Variants in CALD1 observed in about 807,000 individuals in gnomAD.
The protein encoded by CALD1 is caldesmon 1.
A neutral mutation model predicts 99.9 loss-of-function variants in CALD1; 33 were observed. That is an observed-to-expected ratio of 0.33 (90% CI 0.25 to 0.44). The LOEUF (loss-of-function observed/expected upper bound fraction) is 0.44. Among genes scored for constraint, CALD1 ranks in the 20% least tolerant of loss-of-function variants. The pLI is 1.00. For synonymous variants in CALD1, 310 were observed against 325.0 expected, an observed-to-expected ratio of 0.95 and a Z score of 0.50; for missense variants, 861 against 962.1, an observed-to-expected ratio of 0.89 and a Z score of 1.39.
chr7:134,762,999 A>G (rs1248435492), intron 1 of CALD1, among the ~76,000 whole-genome samples: 5 of 152,216 alleles, frequency 3.3e-5, no homozygotes, highest in Admixed American at 2.6e-4. Context: ...TACTTGCTCA[A>G]TTAGATCTAG....
chr7:134,759,302 G>A (rs1201038416), intron 1 of CALD1, among the ~76,000 whole-genome samples: 1 of 152,214 alleles, frequency 6.6e-6, no homozygotes, highest in Admixed American at 6.5e-5. Flanking sequence ...GTGCAAGGTA[G>A]AGACTGAAAA....
chr7:134,950,254 A>C, intron 8 of CALD1, 120 bp from the exon 9 acceptor site: 1 of 840,778 alleles, frequency 1.2e-6, no homozygotes, highest in South Asian at 2.0e-5. Flanking sequence ...CTAGAAGGGG[A>C]GTGTCCAGCC....
intron 6 of CALD1, 69 bp downstream of exon 6, chr7:134,935,834 G>C (rs923221131): frequency 1.4e-6 from 2 of 1,463,770 alleles, no homozygotes; most frequent in African/African-American, 1.4e-5. Context: ...AGATATCTCA[G>C]GTCTGATGAT....
rs772919992 is a variant in CALD1 at position 134,933,098 on chromosome 7, G to A, written c.329G>A (p.Arg110His). 4 of 1,613,850 alleles carry A rather than the reference G, an allele frequency of 2.5e-6. No homozygotes were observed. The South Asian group carries it at 4.4e-5, about 18-fold the overall frequency. Residue 110 changes from arginine (R) to histidine (H), a missense_variant, in exon 5 of 15, where the codon CGC becomes CAC. Around this residue, in one of 5 missense-constraint regions of CALD1, gnomAD observed 123 missense variants for 169.8 expected, o/e 0.72. Coordinates refer to ENST00000361675, the MANE Select transcript of CALD1 (RefSeq NM_033138.4). ...LARREERRQK[R>H]LQEALERQKE... The stretch of plus-strand genomic sequence containing the variant: ...CGGCGTGAGGAAAGACGCCAAAAAC[G>A]CCTTCAGGAGGCTCTGGAGCGGCAG...
intron 1 of CALD1, among the ~76,000 whole-genome samples, chr7:134,752,604 C>A (rs1205675499): frequency 6.6e-6 from 1 of 152,130 alleles, no homozygotes; most frequent in East Asian, 1.9e-4. Context: ...GAATGCATAA[C>A]CACAGCCGAG....
intron 1 of CALD1, among the ~76,000 whole-genome samples, chr7:134,791,206 T>G (rs1797519538): frequency 6.6e-6 from 1 of 152,232 alleles, no homozygotes; most frequent in African/African-American, 2.4e-5. Flanking sequence ...ATTTGTTTGT[T>G]TGTTTTTTGA....
At chr7:134,866,981 C>T (rs906250651) in intron 2 of CALD1, 11 of 152,058 alleles carry the variant, frequency 7.2e-5, no homozygotes, top group African/African-American at 2.4e-4. Flanking sequence ...GAAACGGGCT[C>T]CTCATTTAAA....
At chr7:134,793,912 TCTC>T (rs1797642092) in intron 1 of CALD1, among the ~76,000 whole-genome samples, 1 of 152,076 alleles carries the variant, frequency 6.6e-6, no homozygotes, top group Non-Finnish European at 1.5e-5. Context: ...TCTTCTTTTA[TCTC>T]CTCCTCATTC....
the CALD1 span, among the ~76,000 whole-genome samples, chr7:134,717,225 T>C: frequency 1.1e-4 from 17 of 152,266 alleles, no homozygotes; most frequent in Middle Eastern, 3.4e-3. Flanking sequence ...CTAAAATCCA[T>C]GGTTTAGGGT....
In CALD1 at chr7:134,933,987, G is replaced by C. The variant is rs1271338108; in HGVS notation, c.1218G>C (p.Gly406=). 6.2e-7 allele frequency: 1 copy of C among 1,613,890 alleles called. No individual in the cohort carries two copies. The highest frequency in any genetic ancestry group is 8.5e-7 in the Non-Finnish European group (1 of 1,179,980). ...CCATGCAAGAGACAAAGATAAAAGG[G>C]GAAAAGGTAGAACAGAAAATAGAAG... is the stretch of plus-strand genomic sequence containing the variant. The part of the protein sequence containing the change: ...KHAMQETKIK[G]EKVEQKIEGK... The change falls in exon 5 of 15, where the codon GGG becomes GGC. Residue 406 remains glycine, a synonymous_variant. Coordinates refer to ENST00000361675, the MANE Select transcript of CALD1 (RefSeq NM_033138.4).
chr7:134,951,038 AT>A (rs746753898), intron 9 of CALD1, among the ~76,000 whole-genome samples: 1 of 152,208 alleles, frequency 6.6e-6, no homozygotes, highest in Non-Finnish European at 1.5e-5. Flanking sequence ...GTGAGGGCCT[AT>A]TCCTCATAGG....
At chr7:134,817,831 T>G (rs1001543760) in intron 1 of CALD1, among the ~76,000 whole-genome samples, 1 of 152,182 alleles carries the variant, frequency 6.6e-6, no homozygotes, top group Non-Finnish European at 1.5e-5. Context: ...TCATTTACAA[T>G]AAAATTTCAA....
At chr7:134,815,550 A>T (rs1312466169) in intron 1 of CALD1, among the ~76,000 whole-genome samples, 1 of 152,156 alleles carries the variant, frequency 6.6e-6, no homozygotes, top group Admixed American at 6.5e-5. Context: ...CACTGTAATG[A>T]TATCATTCAC....
intron 1 of CALD1, among the ~76,000 whole-genome samples, chr7:134,750,111 AAAACAAAC>A (rs59185876): frequency 0.55 from 83,251 of 150,694 alleles, 24,492 homozygotes; most frequent in East Asian, 0.84. Flanking sequence ...GGCAAGTGTT[AAAACAAAC>A]AAACAAACAA....
intron 7 of CALD1, chr7:134,944,428 T>G (rs1441836282): frequency 6.6e-6 from 1 of 151,476 alleles, no homozygotes; most frequent in African/African-American, 2.4e-5. Context: ...TTGATTACAA[T>G]CTACTAAATT....
intron 3 of CALD1, among the ~76,000 whole-genome samples, chr7:134,869,537 C>G (rs1312983715): frequency 6.6e-6 from 1 of 152,116 alleles, no homozygotes; most frequent in African/African-American, 2.4e-5. Flanking sequence ...AATTAGCAAA[C>G]CTTTTAGGAG....
the CALD1 span, among the ~76,000 whole-genome samples, chr7:134,738,047 C>CT: frequency 1.3e-5 from 2 of 152,262 alleles, no homozygotes; most frequent in South Asian, 2.1e-4. Flanking sequence ...TGAGAAATTT[C>CT]TTTTTTTCTG....
chr7:134,802,965 C>G (rs1798002400), intron 1 of CALD1, among the ~76,000 whole-genome samples: 1 of 152,180 alleles, frequency 6.6e-6, no homozygotes, highest in South Asian at 2.1e-4. Flanking sequence ...AAGAAATTGC[C>G]AAACTGTTCA....
upstream of CALD1, among the ~76,000 whole-genome samples, chr7:134,741,725 GTTT>G (rs1796594176): frequency 6.6e-6 from 1 of 151,984 alleles, no homozygotes; most frequent in South Asian, 2.1e-4. Context: ...TTTACAGTTC[GTTT>G]TTTATTTTCA....
Sources: allele counts gnomAD v4.1 joint callset (sites outside exome capture counted in the v4.1 genomes callset), GRCh38; gene constraint gnomAD v4.1.1; regional missense constraint gnomAD v4.1.1; transcripts MANE v1.5; gene names NCBI Gene and HGNC (gene_info 2026-07-23, HGNC 2026-07-21).